PCDH17: variants seen among roughly 807,000 people sequenced by gnomAD.
PCDH17 encodes the protein protocadherin-17.
A neutral mutation model predicts 67.7 loss-of-function variants in PCDH17; 21 were observed. That is an observed-to-expected ratio of 0.31 (90% CI 0.22 to 0.45). PCDH17 has a LOEUF of 0.45. PCDH17 is among the 20% of genes least tolerant of loss of function. PCDH17 has a pLI of 1.00. For synonymous variants in PCDH17, 701 were observed against 656.7 expected, an observed-to-expected ratio of 1.07 and a Z score of -1.03; for missense variants, 1,471 against 1,564.8, an observed-to-expected ratio of 0.94 and a Z score of 1.01.
At chr13:57,701,663 T>A (rs1363330919) in intron 3 of PCDH17, among the ~76,000 whole-genome samples, 1 of 152,130 alleles carries the variant, frequency 6.6e-6, no homozygotes, top group East Asian at 1.9e-4. Context: ...GTTTTATGTA[T>A]CCTGAACATA....
intron 1 of PCDH17, among the ~76,000 whole-genome samples, chr13:57,658,400 C>A (rs1048435593): frequency 3.9e-5 from 6 of 152,194 alleles, no homozygotes; most frequent in African/African-American, 1.2e-4. Context: ...GAGACACTCT[C>A]CACGTCCTGC....
intron 3 of PCDH17, among the ~76,000 whole-genome samples, chr13:57,696,329 A>G (rs1955608236): frequency 6.6e-6 from 1 of 151,394 alleles, no homozygotes; most frequent in Non-Finnish European, 1.5e-5. Context: ...TTTTAGACAG[A>G]CAAATTCTTA....
intron 3 of PCDH17, among the ~76,000 whole-genome samples, chr13:57,718,793 C>G (rs1281075626): frequency 6.6e-6 from 1 of 151,720 alleles, no homozygotes; most frequent in Non-Finnish European, 1.5e-5. Flanking sequence ...GGATAAATTG[C>G]AATTTGTTGT....
chr13:57,674,902 C>T (rs61961869), intron 3 of PCDH17, among the ~76,000 whole-genome samples: 4 of 151,864 alleles, frequency 2.6e-5, no homozygotes, highest in Non-Finnish European at 5.9e-5. Flanking sequence ...TGAAATATAA[C>T]GCCTCCATTT....
At chr13:57,658,613 T>G (rs1449004811) in intron 1 of PCDH17, among the ~76,000 whole-genome samples, 1 of 152,162 alleles carries the variant, frequency 6.6e-6, no homozygotes. Context: ...ATGCTGGATT[T>G]GGGACTGCCT....
intron 3 of PCDH17, among the ~76,000 whole-genome samples, chr13:57,711,079 A>G (rs1812345224): frequency 1.3e-5 from 2 of 152,006 alleles, no homozygotes; most frequent in African/African-American, 2.4e-5. Flanking sequence ...ATTAGTTGGG[A>G]AAAGTGTTAT....
At chr13:57,660,655 AG>A (rs1955171561) in intron 1 of PCDH17, among the ~76,000 whole-genome samples, 1 of 152,218 alleles carries the variant, frequency 6.6e-6, no homozygotes, top group African/African-American at 2.4e-5. Flanking sequence ...TCACTTTAAA[AG>A]CTTCCTTATG....
At chr13:57,720,171 TA>T (rs1447617543) in intron 3 of PCDH17, among the ~76,000 whole-genome samples, 1 of 151,980 alleles carries the variant, frequency 6.6e-6, no homozygotes, top group Non-Finnish European at 1.5e-5. Flanking sequence ...CTGATATCCT[TA>T]AGATTAAGCT....
intron 3 of PCDH17, among the ~76,000 whole-genome samples, chr13:57,700,709 C>G (rs1247574170): frequency 6.6e-6 from 1 of 151,998 alleles, no homozygotes; most frequent in Admixed American, 6.6e-5. Context: ...AGGCATTTGT[C>G]TTTGGAAAAA....
At chr13:57,659,366 T>C (rs1955155711) in intron 1 of PCDH17, among the ~76,000 whole-genome samples, 1 of 152,146 alleles carries the variant, frequency 6.6e-6, no homozygotes, top group African/African-American at 2.4e-5. Context: ...TAATGAGGTC[T>C]TTATTTTTCT....
intron 3 of PCDH17, among the ~76,000 whole-genome samples, chr13:57,715,885 A>T (rs535470062): frequency 6.6e-6 from 1 of 152,140 alleles, no homozygotes; most frequent in South Asian, 2.1e-4. Flanking sequence ...GGGAAGAAAG[A>T]TAAAGCAGAT....
At chr13:57,669,197 T>G (rs1955291898) in intron 3 of PCDH17, among the ~76,000 whole-genome samples, 1 of 152,146 alleles carries the variant, frequency 6.6e-6, no homozygotes, top group Non-Finnish European at 1.5e-5. Flanking sequence ...ACTGATTGAT[T>G]GATCCATTGA....
chr13:57,728,136 T>A lies in PCDH17; in HGVS notation c.*2842T>A, dbSNP rs1955928019. ...TTCAGCAGTCAGGACTCTAAGCTTT[T>A]ATAGTTGAATTGAGGAAATCTCGCT... On this transcript the variant is annotated 3_prime_UTR_variant, in exon 4 of 4. Coordinates refer to ENST00000377918, the MANE Select transcript of PCDH17 (RefSeq NM_001040429.3). 1 of 152,554 alleles carries A rather than the reference T, an allele frequency of 6.6e-6. No homozygotes were observed. The highest frequency in any genetic ancestry group is 1.5e-5 in the Non-Finnish European group (1 of 67,996). The allele number at this position is 152,554 out of a possible 1,614,324, so 9.5% of individuals were successfully genotyped here.
In PCDH17 at chr13:57,726,886, G is replaced by C. The variant is rs1955920105; in HGVS notation, c.*1592G>C. The stretch of plus-strand genomic sequence containing the variant: ...TTAATGCATGTATGTACCAGCAGTG[G>C]TTACTTGCATTGTGTAGTGTTTTTC... On this transcript the variant is annotated 3_prime_UTR_variant, in exon 4 of 4. Coordinates refer to ENST00000377918, the MANE Select transcript of PCDH17 (RefSeq NM_001040429.3). The C allele has an allele frequency of 6.6e-6, 1 of 152,466 alleles. No individual in the cohort carries two copies. Among genetic ancestry groups the C allele is most frequent in the Non-Finnish European group, 1.5e-5 (1 of 68,012 alleles). The allele number at this position is 152,466 out of a possible 1,614,324, so 9.4% of individuals were successfully genotyped here. A position where few individuals can be genotyped will look rare whatever the true frequency, so the allele number is the denominator to read the frequency against.
chr13:57,636,619 T>C (rs1954826816), intron 1 of PCDH17, among the ~76,000 whole-genome samples: 1 of 152,106 alleles, frequency 6.6e-6, no homozygotes, highest in African/African-American at 2.4e-5. Flanking sequence ...TTAAGGTCTA[T>C]ATAAAACTGA....
intron 3 of PCDH17, among the ~76,000 whole-genome samples, chr13:57,704,720 C>A (rs971958903): frequency 1.3e-5 from 2 of 151,816 alleles, no homozygotes; most frequent in South Asian, 2.1e-4. Flanking sequence ...AATAACATGG[C>A]GGAAACATTC....
At chr13:57,681,343 A>G (rs910936024) in intron 3 of PCDH17, among the ~76,000 whole-genome samples, 1 of 151,830 alleles carries the variant, frequency 6.6e-6, no homozygotes, top group African/African-American at 2.4e-5. Flanking sequence ...ATTCTTTATA[A>G]CTAAATTTAA....
intron 1 of PCDH17, among the ~76,000 whole-genome samples, chr13:57,653,640 G>A (rs1184418270): frequency 6.6e-6 from 1 of 152,106 alleles, no homozygotes; most frequent in Non-Finnish European, 1.5e-5. Context: ...TAATATAGTG[G>A]TGAGATCATC....
chr13:57,639,222 G>C (rs1954861449), intron 1 of PCDH17, among the ~76,000 whole-genome samples: 1 of 151,796 alleles, frequency 6.6e-6, no homozygotes, highest in African/African-American at 2.4e-5. Context: ...TCCTACTTGA[G>C]AGTACACAAT....
Sources: gnomAD v4.1 joint callset for allele counts (sites outside exome capture counted in the v4.1 genomes callset) on GRCh38, gnomAD v4.1.1 for gene constraint, MANE v1.5 for transcripts, NCBI Gene and HGNC (gene_info 2026-07-23, HGNC 2026-07-21) for gene names.